SEL1L2: variants seen among roughly 807,000 people sequenced by gnomAD.
The protein encoded by SEL1L2 is protein sel-1 homolog 2.
In SEL1L2, 89 loss-of-function variants were observed where a neutral mutation model predicts 98.8. That is an observed-to-expected ratio of 0.90 (90% confidence interval 0.76 to 1.07). The LOEUF is 1.07. Among genes scored for constraint, SEL1L2 ranks in the 50% least tolerant of loss-of-function variants. The probability of loss-of-function intolerance (pLI) is 0.00; values close to 1 mark genes in which losing one functional copy is unlikely to be tolerated. For missense variants in SEL1L2, 788 were observed against 812.0 expected (o/e 0.97, Z 0.36); for synonymous variants, 262 against 278.5 (o/e 0.94, Z 0.59).
chr20:13,992,881 G>T (rs1255089775), upstream of SEL1L2, among the ~76,000 whole-genome samples: 3 of 152,050 alleles, frequency 2.0e-5, no homozygotes, highest in Non-Finnish European at 4.4e-5. Context: ...CTTCTTATAA[G>T]GCCTCAGTCC....
intron 18 of SEL1L2, among the ~76,000 whole-genome samples, chr20:13,856,212 C>T (rs548009060): frequency 6.6e-6 from 1 of 152,082 alleles, no homozygotes; most frequent in Non-Finnish European, 1.5e-5. Flanking sequence ...TCACTGCAAC[C>T]TCTGCCTTCG....
intron 5 of SEL1L2, among the ~76,000 whole-genome samples, chr20:13,896,698 A>G (rs544355203): frequency 8.5e-5 from 13 of 152,302 alleles, no homozygotes; most frequent in Admixed American, 7.8e-4. Flanking sequence ...AATAAACTTA[A>G]CTAAAAAGGT....
At chr20:13,873,623 G>A (rs1182078481) in intron 12 of SEL1L2, among the ~76,000 whole-genome samples, 1 of 152,074 alleles carries the variant, frequency 6.6e-6, no homozygotes, top group African/African-American at 2.4e-5. Context: ...GCCTCCCAAA[G>A]TGTTGGGATT....
intron 10 of SEL1L2, among the ~76,000 whole-genome samples, chr20:13,882,812 CTTTTTTTTT>C (rs759286946): frequency 4.5e-4 from 48 of 107,244 alleles, no homozygotes; most frequent in Non-Finnish European, 6.2e-4. Context: ...GTCAATTTGT[CTTTTTTTTT>C]TTTTTTTTTT....
chr20:13,876,763 G>A lies in SEL1L2; in HGVS notation c.1027-648C>T, dbSNP rs538753338. Among the ~76,000 whole-genome samples the A allele has an allele frequency of 1.3e-5, 2 of 152,320 alleles. 1 individual carries two copies. Among genetic ancestry groups the A allele is most frequent in the South Asian group, 4.1e-4 (2 of 4,822 alleles). ...TCTCCTCTTACATATTGGGGAGTGGGGTGGTCATAGGCTCATAGCTACGCT... is the reference window on the plus strand; with the variant it reads ...TCTCCTCTTACATATTGGGGAGTGGAGTGGTCATAGGCTCATAGCTACGCT... On this transcript the variant is annotated intron_variant, in intron 11 of 19. Coordinates refer to ENST00000284951, the MANE Select transcript of SEL1L2 (RefSeq NM_025229.2).
intron 12 of SEL1L2, among the ~76,000 whole-genome samples, chr20:13,875,745 T>G (rs956086320): frequency 1.3e-5 from 2 of 152,238 alleles, no homozygotes; most frequent in African/African-American, 4.8e-5. Flanking sequence ...GATGGCCTCA[T>G]CTACTGCATA....
In SEL1L2 at chr20:13,865,081, G is replaced by A. The variant is rs139946250; in HGVS notation, c.1645+86C>T. The A allele has an allele frequency of 4.4e-4, 454 of 1,028,270 alleles. 3 individuals carry two copies. In the African/African-American group the frequency reaches 7.0e-3, roughly 16 times the overall value. The allele number at this position is 1,028,270 out of a possible 1,614,324, so 63.7% of individuals were successfully genotyped here. ...TGATATTCTACCCTTTGCTGCCTATGTGCACAAACACGCAGCTACAGCAAA... is the reference window on the plus strand; with the variant it reads ...TGATATTCTACCCTTTGCTGCCTATATGCACAAACACGCAGCTACAGCAAA... On this transcript the variant is annotated intron_variant, in intron 17 of 19. Transcript: ENST00000284951.
chr20:13,855,149 G>A (rs1988950315), intron 18 of SEL1L2, among the ~76,000 whole-genome samples: 1 of 152,070 alleles, frequency 6.6e-6, no homozygotes, highest in South Asian at 2.1e-4. Context: ...AGTCTTCAAT[G>A]GGCATAAATA....
intron 1 of SEL1L2, among the ~76,000 whole-genome samples, chr20:13,967,765 A>G (rs2148496044): frequency 6.6e-6 from 1 of 151,302 alleles, no homozygotes; most frequent in Non-Finnish European, 1.5e-5. Context: ...TTGCCCCCCA[A>G]CCTCTATGCT....
chr20:13,921,184 T>G (rs992789538), intron 3 of SEL1L2, among the ~76,000 whole-genome samples: 1 of 152,204 alleles, frequency 6.6e-6, no homozygotes, highest in Non-Finnish European at 1.5e-5. Flanking sequence ...TGTATTGGAA[T>G]TCAATTATTC....
At chr20:13,961,623 T>C (rs1046351947) in intron 1 of SEL1L2, among the ~76,000 whole-genome samples, 3 of 152,214 alleles carry the variant, frequency 2.0e-5, no homozygotes, top group African/African-American at 7.2e-5. Flanking sequence ...TCCATCTTTC[T>C]AGGAATAGGA....
chr20:13,861,268 C>A (rs1488223097), intron 17 of SEL1L2, among the ~76,000 whole-genome samples: 1 of 151,900 alleles, frequency 6.6e-6, no homozygotes, highest in Non-Finnish European at 1.5e-5. Flanking sequence ...CTCAGCCTCC[C>A]AAGCTCAAGC....
chr20:13,971,194 T>C (rs563346103), intron 1 of SEL1L2, among the ~76,000 whole-genome samples: 51 of 152,286 alleles, frequency 3.3e-4, no homozygotes, highest in Non-Finnish European at 5.7e-4. Context: ...GTGTGTATGT[T>C]GTAAATATAT....
intron 18 of SEL1L2, 25 bp downstream of exon 18, chr20:13,859,237 T>A: frequency 6.2e-7 from 1 of 1,605,032 alleles, no homozygotes; most frequent in South Asian, 1.1e-5. Context: ...CATTACTAGG[T>A]TTGAATTATT....
intron 3 of SEL1L2, among the ~76,000 whole-genome samples, chr20:13,924,335 G>A (rs972069200): frequency 7.4e-5 from 11 of 148,446 alleles, no homozygotes; most frequent in African/African-American, 2.0e-4. Flanking sequence ...TGATTTTTCC[G>A]GTAATTTGTT....
At chr20:13,863,753 C>T (rs1054120718) in intron 17 of SEL1L2, among the ~76,000 whole-genome samples, 6 of 152,036 alleles carry the variant, frequency 3.9e-5, no homozygotes, top group East Asian at 3.9e-4. Flanking sequence ...AGGCAGATCA[C>T]GAGGTCAAGA....
chr20:13,983,042 A>AAAAAAAAAAAAAAAAAAAAAAAAC (rs1171546416), intron 1 of SEL1L2, among the ~76,000 whole-genome samples: 2 of 143,862 alleles, frequency 1.4e-5, no homozygotes, highest in Admixed American at 7.0e-5. Context: ...AAAAAAAAAA[A>AAAAAAAAAAAAAAAAAAAAAAAAC]AAAAAAGCAG....
chr20:13,954,997 A>T (rs2050458731), intron 2 of SEL1L2, among the ~76,000 whole-genome samples: 1 of 152,186 alleles, frequency 6.6e-6, no homozygotes, highest in Admixed American at 6.5e-5. Flanking sequence ...CAATGTACAG[A>T]GGGGTTTTTA....
Position 13,950,908 on chromosome 20 carries a change from T to G in SEL1L2, c.114+5168A>C, listed in dbSNP as rs557517067. On this transcript the variant is annotated intron_variant, in intron 2 of 19. Coordinates refer to ENST00000284951, the MANE Select transcript of SEL1L2 (RefSeq NM_025229.2). Reference sequence around the variant, plus strand: ...GGGGAAGAAGTCATCAGGAGACAACTAGGTTTCAGTTAAGATGAAGGGAAA... The same window carrying G: ...GGGGAAGAAGTCATCAGGAGACAACGAGGTTTCAGTTAAGATGAAGGGAAA... Among the ~76,000 whole-genome samples, 5 of 152,180 alleles carry G rather than the reference T, an allele frequency of 3.3e-5. No individual in the cohort carries two copies. The East Asian group carries it at 9.7e-4, about 29-fold the overall frequency.
Sources: gnomAD v4.1 joint callset for allele counts (sites outside exome capture counted in the v4.1 genomes callset) on GRCh38, gnomAD v4.1.1 for gene constraint, MANE v1.5 for transcripts, NCBI Gene and HGNC (gene_info 2026-07-23, HGNC 2026-07-21) for gene names.